The following PIK3R4 variants were observed in gnomAD, a reference collection of about 807,000 sequenced individuals.
PIK3R4 encodes the protein phosphoinositide-3-kinase regulatory subunit 4.
In PIK3R4, 46 loss-of-function variants were observed where a neutral mutation model predicts 136.5. That is an observed-to-expected ratio of 0.34 (90% CI 0.27 to 0.43). PIK3R4 has a LOEUF of 0.43. Ranked by LOEUF, PIK3R4 falls within the 20% of genes least tolerant of loss-of-function variation. The pLI, the probability that PIK3R4 is intolerant of heterozygous loss-of-function variation, is 1.00. For synonymous variants in PIK3R4, 557 were observed against 566.7 expected (o/e 0.98, Z 0.24); for missense variants, 1,331 against 1,649.5 (o/e 0.81, Z 3.35).
At chr3:130,742,554 G>A (rs1313453314) in intron 2 of PIK3R4, among the ~76,000 whole-genome samples, 1 of 152,116 alleles carries the variant, frequency 6.6e-6, no homozygotes, top group Non-Finnish European at 1.5e-5. Flanking sequence ...CAACCTTGAG[G>A]CTAACCCTAT....
At position 130,705,705 on chromosome 3, in the gene PIK3R4, G is replaced by GT; in HGVS notation, c.2787dup (p.Pro930ThrfsTer12). 6.2e-7 allele frequency: 1 copy of GT among 1,611,838 alleles called. No individual in the cohort carries two copies. The highest frequency in any genetic ancestry group is 8.5e-7 in the Non-Finnish European group (1 of 1,177,982). Reference sequence around the variant, plus strand: ...GTAATTCGAATCTGATAGGTGGATGGTAAGATTGTACTACTTAAAACCGGT... The same window carrying GT: ...GTAATTCGAATCTGATAGGTGGATGGTTAAGATTGTACTACTTAAAACCGGT... On this transcript the variant is annotated frameshift_variant, in exon 12 of 20. Coordinates refer to ENST00000356763, the MANE Select transcript of PIK3R4 (RefSeq NM_014602.3). LOFTEE classifies it high-confidence loss of function.
chr3:130,716,639 CA>C, intron 8 of PIK3R4, 40 bp from the exon 9 acceptor site: 1 of 1,227,128 alleles, frequency 8.1e-7, no homozygotes. Flanking sequence ...AAAAATATAA[CA>C]TGTACAGTTA....
intron 13 of PIK3R4, among the ~76,000 whole-genome samples, chr3:130,694,870 G>A (rs976179211): frequency 6.6e-6 from 1 of 152,040 alleles, no homozygotes; most frequent in African/African-American, 2.4e-5. Flanking sequence ...ATCTTAGGGG[G>A]AAAGCTTTCA....
At chr3:130,746,250 C>A (rs2066852610) in intron 1 of PIK3R4, 68 bp downstream of exon 1, 1 of 152,222 alleles carries the variant, frequency 6.6e-6, no homozygotes, top group African/African-American at 2.4e-5. Context: ...GTTCTGCTAA[C>A]TCAGGTTTTG....
chr3:130,685,705 C>T (rs763241986), intron 15 of PIK3R4, among the ~76,000 whole-genome samples: 2 of 152,178 alleles, frequency 1.3e-5, no homozygotes, highest in Non-Finnish European at 2.9e-5. Flanking sequence ...GAAACCATTG[C>T]TTAGCTCTTC....
chr3:130,737,431 A>C (rs1222178908), intron 2 of PIK3R4, among the ~76,000 whole-genome samples: 2 of 152,206 alleles, frequency 1.3e-5, no homozygotes, highest in Non-Finnish European at 2.9e-5. Flanking sequence ...AGGCCAAGGC[A>C]GGTAGATCAC....
chr3:130,689,408 G>A (rs145842470), intron 14 of PIK3R4, among the ~76,000 whole-genome samples: 1,777 of 152,162 alleles, frequency 0.012, 11 homozygotes, highest in Non-Finnish European at 0.019. Flanking sequence ...CATCATCTGC[G>A]GAAACAGACT....
intron 13 of PIK3R4, among the ~76,000 whole-genome samples, chr3:130,691,334 T>G (rs942798098): frequency 1.4e-4 from 22 of 152,344 alleles, no homozygotes; most frequent in African/African-American, 4.8e-4. Flanking sequence ...CTCAGTTTAC[T>G]CATCTACAAA....
Position 130,733,767 on chromosome 3 carries a change from C to T in PIK3R4, c.1231G>A (p.Val411Ile). The change falls in exon 4 of 20, where the codon GTT becomes ATT. Residue 411 changes from valine (V) to isoleucine (I), a missense_variant. Coordinates refer to ENST00000356763, the MANE Select transcript of PIK3R4 (RefSeq NM_014602.3). ...LILHLAPRLS[V>I]EILLDRITPY... ...GTAATACGATCCAAAAGGATTTCAA[C>T]ACTTAATCTTGGAGCCAAATGAAGA... is the stretch of plus-strand genomic sequence containing the variant. 1 of 1,614,154 alleles carries T rather than the reference C, an allele frequency of 6.2e-7. No homozygotes were observed. The highest frequency in any genetic ancestry group is 1.3e-5 in the African/African-American group (1 of 75,036).
At chr3:130,714,395 A>G (rs1576457841) in intron 9 of PIK3R4, among the ~76,000 whole-genome samples, 1 of 152,008 alleles carries the variant, frequency 6.6e-6, no homozygotes, top group East Asian at 2.0e-4. Context: ...TAGATTTAAC[A>G]TTTCTTTTTT....
At chr3:130,739,432 T>C (rs2066807666) in intron 2 of PIK3R4, among the ~76,000 whole-genome samples, 1 of 152,002 alleles carries the variant, frequency 6.6e-6, no homozygotes, top group Admixed American at 6.6e-5. Context: ...AGTGCAGTGG[T>C]GTGATCACAG....
rs1559819178 is a variant in PIK3R4 at position 130,684,396 on chromosome 3, G to GA, written c.3476-16dup. On this transcript the variant is annotated splice_polypyrimidine_tract_variant and intron_variant, in intron 15 of 19. Transcript: ENST00000356763. ...ACTGCTTGTACCTTAAAGAAAAAAG[G>GA]AAAAAAAGATTACCATCTAATGATC... 2 of 1,606,458 alleles carry GA rather than the reference G, an allele frequency of 1.2e-6. No homozygotes were observed. The highest frequency in any genetic ancestry group is 1.7e-6 in the Non-Finnish European group (2 of 1,176,040).
chr3:130,680,144 TTAA>T (rs1453810584), intron 19 of PIK3R4, among the ~76,000 whole-genome samples: 1 of 151,678 alleles, frequency 6.6e-6, no homozygotes, highest in East Asian at 1.9e-4. Context: ...CTAAAGCTCA[TTAA>T]TATTTGTCAT....
chr3:130,745,492 C>T (rs533753045), intron 1 of PIK3R4, among the ~76,000 whole-genome samples: 1 of 152,192 alleles, frequency 6.6e-6, no homozygotes, highest in Non-Finnish European at 1.5e-5. Context: ...CCTAAAAATA[C>T]CCTGCTATTG....
chr3:130,740,812 A>G (rs2066818135), intron 2 of PIK3R4, among the ~76,000 whole-genome samples: 1 of 152,212 alleles, frequency 6.6e-6, no homozygotes, highest in Non-Finnish European at 1.5e-5. Context: ...AACTTATTTC[A>G]TAAGGTTAGG....
intron 8 of PIK3R4, among the ~76,000 whole-genome samples, chr3:130,717,776 G>A (rs988598813): frequency 2.0e-5 from 3 of 152,126 alleles, no homozygotes; most frequent in African/African-American, 7.2e-5. Flanking sequence ...AGCTAGAATC[G>A]TCCTTCGCCA....
chr3:130,726,893 G>A lies in PIK3R4; in HGVS notation c.1807+1570C>T, dbSNP rs374516798. On this transcript the variant is annotated intron_variant, in intron 6 of 19. Coordinates refer to ENST00000356763, the MANE Select transcript of PIK3R4 (RefSeq NM_014602.3). ...TTTGGAAGAAGAAGAGAGCAAGCAAGACAAAAAGATGTAAGAATCAAAGAA... is the reference window on the plus strand; with the variant it reads ...TTTGGAAGAAGAAGAGAGCAAGCAAAACAAAAAGATGTAAGAATCAAAGAA... Among the ~76,000 whole-genome samples, 4 of 151,726 alleles carry A rather than the reference G, an allele frequency of 2.6e-5. No homozygotes were observed. The East Asian group carries it at 7.7e-4, about 29-fold the overall frequency.
chr3:130,701,254 G>T (rs185408917), intron 13 of PIK3R4, among the ~76,000 whole-genome samples: 47 of 152,256 alleles, frequency 3.1e-4, no homozygotes, highest in African/African-American at 9.6e-4. Flanking sequence ...GCTCACACCC[G>T]TAAACTCAGC....
intron 9 of PIK3R4, among the ~76,000 whole-genome samples, chr3:130,711,521 G>A (rs2107610413): frequency 6.6e-6 from 1 of 152,298 alleles, no homozygotes; most frequent in African/African-American, 2.4e-5. Flanking sequence ...GTCTTTGGCT[G>A]AATATGAAAC....
Sources: allele counts gnomAD v4.1 joint callset (sites outside exome capture counted in the v4.1 genomes callset), GRCh38; gene constraint gnomAD v4.1.1; transcripts MANE v1.5; gene names NCBI Gene and HGNC (gene_info 2026-07-23, HGNC 2026-07-21).